Variants in EVC observed in about 807,000 individuals in gnomAD.
The protein encoded by EVC is EvC ciliary complex subunit 1.
EVC carries 116 observed loss-of-function variants against 118.9 expected under a neutral mutation model. That is an observed-to-expected ratio of 0.98 (90% confidence interval 0.84 to 1.14). The LOEUF is 1.14. EVC is among the 50% of genes most tolerant of loss of function. The pLI is 0.00. For synonymous variants in EVC, 619 were observed against 534.7 expected (o/e 1.16, Z -2.18); for missense variants, 1,401 against 1,246.4 (o/e 1.12, Z -1.87).
chr4:5,824,632 A>G, the EVC span: 1 of 954,968 alleles, frequency 1.0e-6, no homozygotes, highest in Non-Finnish European at 1.2e-6. Context: ...TAGTTTGTAC[A>G]TTTTCAAATG....
intron 11 of EVC, among the ~76,000 whole-genome samples, chr4:5,771,247 A>T (rs958611237): frequency 6.6e-6 from 1 of 152,092 alleles, no homozygotes; most frequent in African/African-American, 2.4e-5. Context: ...TCCAGGGGAG[A>T]AACAGTTTTC....
At chr4:5,810,476 C>T (rs756430689) in intron 20 of EVC, 26 bp downstream of exon 20, 1 of 1,570,234 alleles carries the variant, frequency 6.4e-7, no homozygotes. Context: ...GGACCTGTTG[C>T]CTGTGGCTGG....
At chr4:5,751,533 A>T (rs568419823) in intron 8 of EVC, among the ~76,000 whole-genome samples, 21 of 152,268 alleles carry the variant, frequency 1.4e-4, no homozygotes, top group Admixed American at 1.3e-3. Flanking sequence ...GTCCTTGTCC[A>T]TCGCTGGGGG....
At chr4:5,717,562 C>T (rs905940197) in intron 1 of EVC, among the ~76,000 whole-genome samples, 1 of 152,168 alleles carries the variant, frequency 6.6e-6, no homozygotes, top group African/African-American at 2.4e-5. Context: ...TTGTACTGGT[C>T]TGCTATGGTT....
chr4:5,729,573 G>A (rs1017287863), intron 3 of EVC, among the ~76,000 whole-genome samples, 183 bp downstream of exon 3: 10 of 152,198 alleles, frequency 6.6e-5, no homozygotes, highest in Middle Eastern at 3.4e-3. Flanking sequence ...ACCACGGTAC[G>A]GAAGTTCCAT....
intron 11 of EVC, among the ~76,000 whole-genome samples, chr4:5,767,642 G>C (rs549676572): frequency 6.6e-6 from 1 of 151,978 alleles, no homozygotes; most frequent in East Asian, 1.9e-4. Flanking sequence ...CACAGTATGC[G>C]GGTGGGAGTG....
chr4:5,786,447 G>T (rs981236275), intron 12 of EVC, among the ~76,000 whole-genome samples: 3 of 152,194 alleles, frequency 2.0e-5, no homozygotes, highest in Admixed American at 1.3e-4. Flanking sequence ...AAGGTTTCTG[G>T]TTGAGTTTTG....
chr4:5,786,871 C>G (rs1459786306), intron 12 of EVC, among the ~76,000 whole-genome samples: 1 of 95,202 alleles, frequency 1.1e-5, no homozygotes, highest in Admixed American at 1.1e-4. Context: ...GACTCCGTCT[C>G]AAAAAAAAAA....
chr4:5,757,351 C>T (rs1560350266), intron 11 of EVC, among the ~76,000 whole-genome samples: 4 of 152,284 alleles, frequency 2.6e-5, no homozygotes, highest in South Asian at 4.1e-4. Flanking sequence ...AAGGAGTCAG[C>T]GGGCATCCCC....
At chr4:5,733,038 T>A (rs1430586591) in intron 4 of EVC, among the ~76,000 whole-genome samples, 1 of 152,196 alleles carries the variant, frequency 6.6e-6, no homozygotes, top group Admixed American at 6.5e-5. Context: ...AATTTTTTTT[T>A]AGAAAATACT....
At chr4:5,717,494 T>A (rs1292384093) in intron 1 of EVC, among the ~76,000 whole-genome samples, 1 of 152,176 alleles carries the variant, frequency 6.6e-6, no homozygotes, top group African/African-American at 2.4e-5. Flanking sequence ...ATATATATAT[T>A]TTTTCCTCAA....
At chr4:5,800,083 G>A (rs1362268051) in intron 15 of EVC, among the ~76,000 whole-genome samples, 3 of 152,208 alleles carry the variant, frequency 2.0e-5, no homozygotes, top group Admixed American at 2.0e-4. Flanking sequence ...AGTGGCTCAC[G>A]CCTGTAATCC....
intron 9 of EVC, among the ~76,000 whole-genome samples, chr4:5,753,566 T>G (rs1577442854): frequency 1.2e-4 from 18 of 147,122 alleles, no homozygotes; most frequent in South Asian, 4.4e-4. Flanking sequence ...GGGGTGGGGG[T>G]GGGGCAAGGC....
chr4:5,820,381 C>T, the EVC span, among the ~76,000 whole-genome samples: 1 of 152,092 alleles, frequency 6.6e-6, no homozygotes, highest in Non-Finnish European at 1.5e-5. Context: ...ACTTTGCCTG[C>T]TGTTTTTATC....
Position 5,738,939 on chromosome 4 carries a change from A to G in EVC, c.703-2777A>G, listed in dbSNP as rs1165687241. On this transcript the variant is annotated intron_variant, in intron 5 of 20. Transcript: ENST00000264956. This position sits in a 1 kb window ranked among gnomAD's most constrained non-coding sequence, Gnocchi z 6.5. ...TTTTTTAGGAAGAAGTTATTTTTAA[A>G]ATTAAGGTATGTACTTTTTTAGACA... Among the ~76,000 whole-genome samples the G allele has an allele frequency of 6.6e-6, 1 of 152,144 alleles. No homozygotes were observed. Among genetic ancestry groups the G allele is most frequent in the African/African-American group, 2.4e-5 (1 of 41,434 alleles).
chr4:5,806,470 C>G (rs1209124983), intron 17 of EVC, among the ~76,000 whole-genome samples: 5 of 152,118 alleles, frequency 3.3e-5, no homozygotes, highest in African/African-American at 1.2e-4. Flanking sequence ...TGAGTTGTTT[C>G]ACTTAAGAAA....
chr4:5,821,012 TC>T, the EVC span: 2 of 152,256 alleles, frequency 1.3e-5, no homozygotes, highest in Non-Finnish European at 2.9e-5. This position sits in a 1 kb window ranked among gnomAD's most constrained non-coding sequence, Gnocchi z 4.4. Context: ...TGGGGAGACC[TC>T]TTTCTGAGTG....
chr4:5,752,615 G>A (rs1356014629), intron 8 of EVC: 20 of 619,482 alleles, frequency 3.2e-5, no homozygotes, highest in African/African-American at 7.3e-5. Flanking sequence ...GCTAAGCTGC[G>A]TCAGCCTCCC....
rs886059516 is a variant in EVC at position 5,813,018 on chromosome 4, A to C, written c.*1981A>C. ...GACTTTTCATTTCTTAAAACCTGAAATAGACTCTCTTAGAAACAAGTGACT... is the reference window on the plus strand; with the variant it reads ...GACTTTTCATTTCTTAAAACCTGAACTAGACTCTCTTAGAAACAAGTGACT... On this transcript the variant is annotated 3_prime_UTR_variant, in exon 21 of 21. Transcript: ENST00000264956. 6.6e-6 allele frequency: 1 copy of C among 152,230 alleles called. No homozygotes were observed. Among genetic ancestry groups the C allele is most frequent in the Admixed American group, 6.5e-5 (1 of 15,288 alleles). 9.4% of individuals were successfully genotyped at this position (152,230 alleles called of 1,614,324 possible).
Sources: gnomAD v4.1 joint callset for allele counts (sites outside exome capture counted in the v4.1 genomes callset) on GRCh38, gnomAD v4.1.1 for gene constraint, Gnocchi (gnomAD v3.1) non-coding constraint, MANE v1.5 for transcripts, NCBI Gene and HGNC (gene_info 2026-07-23, HGNC 2026-07-21) for gene names.